The following FAM120C variants were observed in gnomAD, a reference collection of about 807,000 sequenced individuals.
FAM120C encodes constitutive coactivator of PPAR-gamma-like protein 2.
Under a neutral mutation model 71.2 loss-of-function variants are expected in FAM120C, and 14 were observed. The ratio of observed to expected loss-of-function variants is 0.20; its 90% CI spans 0.13 to 0.31. The LOEUF is 0.31. Ranked by LOEUF, FAM120C falls within the 10% of genes least tolerant of loss-of-function variation. The pLI is 1.00. For missense variants in FAM120C, 500 were observed against 879.0 expected, an observed-to-expected ratio of 0.57 and a Z score of 5.45; for synonymous variants, 354 against 353.2, an observed-to-expected ratio of 1.00 and a Z score of -0.03.
intron 1 of FAM120C, among the ~76,000 whole-genome samples, chrX:54,162,838 G>A (rs1305658195): frequency 1.8e-5 from 2 of 111,623 alleles, no homozygotes; most frequent in Non-Finnish European, 3.8e-5. Flanking sequence ...AAAGACAAAC[G>A]ATCAATGAGG....
Position 54,135,117 on chromosome X carries a change from C to T in FAM120C, c.1336-6G>A, listed in dbSNP as rs374884305. 3.1e-5 allele frequency: 36 copies of T among 1,176,970 alleles called. No homozygotes were observed. The highest frequency in any genetic ancestry group is 5.2e-4 in the Middle Eastern group (2 of 3,878). ...TGGGGCACTTGATGAGAAAACTAAA[C>T]GATAAAACAGACAGAAAAGCTATTT... On this transcript the variant is annotated splice_region_variant and splice_polypyrimidine_tract_variant and intron_variant, in intron 6 of 15. Transcript: ENST00000375180.
intron 15 of FAM120C, among the ~76,000 whole-genome samples, chrX:54,077,554 C>G (rs1230587738): frequency 9.0e-6 from 1 of 110,718 alleles, no homozygotes; most frequent in African/African-American, 3.3e-5. Flanking sequence ...TGGTGGCTCA[C>G]ACATGTAGTC....
At position 54,182,896 on chromosome X, in the gene FAM120C, C is replaced by T. The variant is rs1557137694; in HGVS notation, c.303G>A (p.Leu101=). ...FHHHGQAQPG[L]HPPLPPPPPP... ...GCGGCGGCGGCGGCAGCGGAGGGTG[C>T]AGCCCGGGCTGCGCTTGGCCATGAT... Residue 101 remains leucine, a synonymous_variant, in exon 1 of 16, where the codon CTG becomes CTA. Transcript: ENST00000375180. 1 of 1,148,234 alleles carries T rather than the reference C, an allele frequency of 8.7e-7. No homozygotes were observed. Among genetic ancestry groups the T allele is most frequent in the Non-Finnish European group, 1.2e-6 (1 of 865,381 alleles). 94.6% of individuals were successfully genotyped at this position (1,148,234 alleles called of 1,213,427 possible).
At chrX:54,097,789 C>T (rs993177326) in intron 10 of FAM120C, among the ~76,000 whole-genome samples, 2 of 110,886 alleles carry the variant, frequency 1.8e-5, no homozygotes, top group Non-Finnish European at 3.8e-5. Flanking sequence ...TGCAGTGGCA[C>T]GATCTCGGCT....
At chrX:54,076,472 T>C (rs1217786717) in intron 15 of FAM120C, among the ~76,000 whole-genome samples, 1 of 111,472 alleles carries the variant, frequency 9.0e-6, no homozygotes, top group Non-Finnish European at 1.9e-5. Context: ...ATACTCTTCT[T>C]TTTCTGTCCC....
At chrX:54,076,483 G>A (rs909926535) in intron 15 of FAM120C, among the ~76,000 whole-genome samples, 2 of 110,669 alleles carry the variant, frequency 1.8e-5, no homozygotes, top group South Asian at 3.8e-4. Flanking sequence ...TTTCTGTCCC[G>A]ACTGAAACAG....
At chrX:54,138,145 T>C (rs1208157278) in intron 4 of FAM120C, among the ~76,000 whole-genome samples, 1 of 111,751 alleles carries the variant, frequency 8.9e-6, no homozygotes, top group African/African-American at 3.2e-5. Context: ...AAAGTATTGA[T>C]ATACACGATA....
intron 1 of FAM120C, among the ~76,000 whole-genome samples, chrX:54,182,207 C>G (rs1480657671): frequency 8.9e-6 from 1 of 111,767 alleles, no homozygotes; most frequent in Non-Finnish European, 1.9e-5. Flanking sequence ...TGACTAGATT[C>G]TGCTGAAACC....
At chrX:54,111,701 C>A (rs912708368) in intron 10 of FAM120C, among the ~76,000 whole-genome samples, 1 of 111,856 alleles carries the variant, frequency 8.9e-6, no homozygotes, top group Non-Finnish European at 1.9e-5. Flanking sequence ...GTGAAAATAA[C>A]CATACTGTCC....
At chrX:54,177,386 G>T (rs1212186955) in intron 1 of FAM120C, among the ~76,000 whole-genome samples, 1 of 111,239 alleles carries the variant, frequency 9.0e-6, no homozygotes, top group Non-Finnish European at 1.9e-5. Flanking sequence ...CAATGGGGGT[G>T]GAAACAGACA....
rs1245539585 is a variant in FAM120C at position 54,094,935 on chromosome X, T to C, written c.2313-3509A>G. Among the ~76,000 whole-genome samples, 4 of 107,153 alleles carry C rather than the reference T, an allele frequency of 3.7e-5. No individual in the cohort carries two copies. The Admixed American group carries it at 4.0e-4, about 11-fold the overall frequency. 93.0% of individuals were successfully genotyped at this position (107,153 alleles called of 115,157 possible). The stretch of plus-strand genomic sequence containing the variant: ...AAAAAAAAAAATTACTCATGGCTCA[T>C]GCCTGTGGTCCCAGCTACTCAGAAG... On this transcript the variant is annotated intron_variant, in intron 10 of 15. Coordinates refer to ENST00000375180, the MANE Select transcript of FAM120C (RefSeq NM_017848.6).
chrX:54,170,120 G>A (rs2067279950), intron 1 of FAM120C, among the ~76,000 whole-genome samples: 1 of 111,138 alleles, frequency 9.0e-6, no homozygotes, highest in African/African-American at 3.3e-5. Flanking sequence ...TTTAATTTGC[G>A]AGTACCCAAT....
intron 15 of FAM120C, among the ~76,000 whole-genome samples, chrX:54,074,010 G>C (rs1412234342): frequency 9.1e-6 from 1 of 110,015 alleles, no homozygotes; most frequent in Non-Finnish European, 1.9e-5. Flanking sequence ...ATTTTTTGTA[G>C]AGACAGGGTT....
intron 3 of FAM120C, among the ~76,000 whole-genome samples, chrX:54,153,230 T>G (rs1262324171): frequency 9.0e-6 from 1 of 110,547 alleles, no homozygotes; most frequent in Non-Finnish European, 1.9e-5. Flanking sequence ...TTAGAAAACC[T>G]TCAGGATTGA....
Position 54,183,228 on chromosome X carries a change from C to A in FAM120C, c.-30G>T, listed in dbSNP as rs1557137955. On this transcript the variant is annotated 5_prime_UTR_variant, in exon 1 of 16. Transcript: ENST00000375180. ...CGTCGGTGGGCAGACGCGATAGCGG[C>A]TGCGCAAGCAGGATAGGCGACGATC... 2.0e-6 allele frequency: 2 copies of A among 1,014,005 alleles called. No homozygotes were observed. The highest frequency in any genetic ancestry group is 2.5e-6 in the Non-Finnish European group (2 of 792,083). 83.6% of individuals were successfully genotyped at this position (1,014,005 alleles called of 1,213,427 possible).
intron 1 of FAM120C, among the ~76,000 whole-genome samples, chrX:54,166,268 C>T (rs782772002): frequency 2.2e-4 from 25 of 111,956 alleles, no homozygotes; most frequent in Non-Finnish European, 3.8e-4. Context: ...CAGGCACTTG[C>T]AAACATTCCT....
intron 4 of FAM120C, among the ~76,000 whole-genome samples, chrX:54,149,077 A>T (rs782605978): frequency 8.9e-6 from 1 of 112,206 alleles, no homozygotes; most frequent in African/African-American, 3.2e-5. Context: ...CTGAAACTCC[A>T]TTTGTAGGTA....
intron 1 of FAM120C, among the ~76,000 whole-genome samples, chrX:54,163,547 T>C (rs1401659742): frequency 1.8e-5 from 2 of 111,668 alleles, no homozygotes; most frequent in African/African-American, 6.5e-5. Flanking sequence ...TACGTATTGG[T>C]TTACCCTTTG....
intron 9 of FAM120C, among the ~76,000 whole-genome samples, chrX:54,117,487 G>A (rs986775975): frequency 9.3e-6 from 1 of 107,166 alleles, no homozygotes; most frequent in Non-Finnish European, 1.9e-5. Flanking sequence ...TTGAGGTCAG[G>A]AGTTCAAGAC....
Sources: gnomAD v4.1 joint callset for allele counts (sites outside exome capture counted in the v4.1 genomes callset) on GRCh38, gnomAD v4.1.1 for gene constraint, MANE v1.5 for transcripts, NCBI Gene and HGNC (gene_info 2026-07-23, HGNC 2026-07-21) for gene names.